TMEM126B: variants seen among roughly 807,000 people sequenced by gnomAD.
The protein encoded by TMEM126B is transmembrane protein 126B, also known as complex I assembly factor TMEM126B, mitochondrial.
TMEM126B carries 19 observed loss-of-function variants against 16.5 expected under a neutral mutation model. The ratio of observed to expected loss-of-function variants is 1.15; its 90% CI spans 0.80 to 1.69. TMEM126B has a LOEUF of 1.69. Among genes scored for constraint, TMEM126B ranks in the 40% most tolerant of loss-of-function variants. The pLI is 0.00. For synonymous variants in TMEM126B, 104 were observed against 93.2 expected (o/e 1.12, Z -0.67); for missense variants, 293 against 278.7 (o/e 1.05, Z -0.37).
chr11:85,634,322 T>C (rs759931157), intron 3 of TMEM126B, 43 bp downstream of exon 3: 2 of 1,416,682 alleles, frequency 1.4e-6, no homozygotes. Flanking sequence ...TATGTCTAAG[T>C]AAAGTTACTT....
intron 1 of TMEM126B, chr11:85,629,094 G>C (rs184000048): frequency 8.1e-5 from 53 of 650,920 alleles, no homozygotes; most frequent in Non-Finnish European, 9.6e-5. Context: ...TGGGTTTTTC[G>C]TTTATGTCAC....
intron 1 of TMEM126B, among the ~76,000 whole-genome samples, chr11:85,630,689 C>G (rs1291786697): frequency 1.3e-5 from 2 of 152,226 alleles, no homozygotes; most frequent in Non-Finnish European, 2.9e-5. Flanking sequence ...CTGGCCAGGT[C>G]TTCATGGTCC....
At position 85,629,691 on chromosome 11, in the gene TMEM126B, A is replaced by G. The variant is rs565380529; in HGVS notation, c.81+1003A>G. ...CAAAACAAAAATTTATCTATGGTTTATGGTTACTCATGTTATTGACGTCTG... is the reference window on the plus strand; with the variant it reads ...CAAAACAAAAATTTATCTATGGTTTGTGGTTACTCATGTTATTGACGTCTG... On this transcript the variant is annotated intron_variant, in intron 1 of 4. Transcript: ENST00000358867. Among the ~76,000 whole-genome samples the G allele has an allele frequency of 6.0e-4, 91 of 152,264 alleles. 3 individuals are homozygous for G. The highest frequency in any genetic ancestry group is 2.0e-3 in the African/African-American group (83 of 41,538).
Position 85,632,194 on chromosome 11 carries a change from A to C in TMEM126B, c.203+386A>C, listed in dbSNP as rs559167576. ...TTATCTCAGCCACAGTACTTAGTACAGCAAAAGGGAATACAGATTTCATGG... is the reference window on the plus strand; with the variant it reads ...TTATCTCAGCCACAGTACTTAGTACCGCAAAAGGGAATACAGATTTCATGG... On this transcript the variant is annotated intron_variant, in intron 2 of 4. Coordinates refer to ENST00000358867, the MANE Select transcript of TMEM126B (RefSeq NM_018480.7). 3.9e-5 allele frequency among the ~76,000 whole-genome samples: 6 copies of C among 152,360 alleles called. No individual in the cohort carries two copies. In the East Asian group the frequency reaches 9.6e-4, roughly 24 times the overall value.
rs964461155 is a variant in TMEM126B, at chr11:85,636,439, T to A, written c.*210T>A. The A allele has an allele frequency of 6.0e-6, 2 of 334,422 alleles. No individual in the cohort carries two copies. Among genetic ancestry groups the A allele is most frequent in the East Asian group, 4.8e-5 (1 of 20,742 alleles). 20.7% of individuals were successfully genotyped at this position (334,422 alleles called of 1,614,324 possible). Reference sequence around the variant, plus strand: ...GTAAGATACAGGTCTTATCTCCTGATGGTGTGTCCATTTTGCCTGGTATAT... The same window carrying A: ...GTAAGATACAGGTCTTATCTCCTGAAGGTGTGTCCATTTTGCCTGGTATAT... On this transcript the variant is annotated 3_prime_UTR_variant, in exon 5 of 5. Transcript: ENST00000358867.
Position 85,631,782 on chromosome 11 carries a change from A to C in TMEM126B, c.177A>C (p.Lys59Asn). The C allele has an allele frequency of 6.2e-7, 1 of 1,611,222 alleles. No individual in the cohort carries two copies. Among genetic ancestry groups the C allele is most frequent in the Non-Finnish European group, 8.5e-7 (1 of 1,179,276 alleles). The change falls in exon 2 of 5, where the codon AAA becomes AAC. Residue 59 changes from lysine (K) to asparagine (N), a missense_variant. Lys to Asn is a moderately conservative substitution (Grantham distance 94). Coordinates refer to ENST00000358867, the MANE Select transcript of TMEM126B (RefSeq NM_018480.7). ...CAATGGTCATAGAAATCATAGAAAA[A>C]AATTTTGACTATCTTAGAAAAGAAA... The part of the protein sequence containing the change: ...RRPMVIEIIE[K>N]NFDYLRKEMT...
rs146616698 is a variant in TMEM126B, at chr11:85,631,239, T to G, written c.82-448T>G. 1.6e-5 allele frequency: 21 copies of G among 1,288,914 alleles called. No individual in the cohort carries two copies. The South Asian group carries it at 2.1e-4, about 13-fold the overall frequency. 79.8% of individuals were successfully genotyped at this position (1,288,914 alleles called of 1,614,324 possible). ...CAGCCACTGTTTCCACCTCCCCACCTGAAGAGCTAGGAGGACAACTACAAA... is the reference window on the plus strand; with the variant it reads ...CAGCCACTGTTTCCACCTCCCCACCGGAAGAGCTAGGAGGACAACTACAAA... On this transcript the variant is annotated intron_variant, in intron 1 of 4. Transcript: ENST00000358867.
intron 1 of TMEM126B, among the ~76,000 whole-genome samples, chr11:85,630,802 G>A (rs1255679624): frequency 1.3e-5 from 2 of 152,180 alleles, no homozygotes; most frequent in East Asian, 1.9e-4. Flanking sequence ...GGTGGCTCAC[G>A]CCTTTAATCC....
At chr11:85,631,596 A>G (rs1484179228) in intron 1 of TMEM126B, 91 bp from the exon 2 acceptor site, 1 of 1,423,320 alleles carries the variant, frequency 7.0e-7, no homozygotes, top group Non-Finnish European at 9.5e-7. Flanking sequence ...TAAACTGTAA[A>G]TGTTTTCAAA....
Position 85,635,790 on chromosome 11 carries a change from CT to C in TMEM126B, c.509+16del. The C allele has an allele frequency of 1.4e-6, 2 of 1,441,674 alleles. No homozygotes were observed. Among genetic ancestry groups the C allele is most frequent in the Admixed American group, 2.6e-5 (1 of 39,092 alleles). The allele number at this position is 1,441,674 out of a possible 1,614,324, so 89.3% of individuals were successfully genotyped here. ...CGCCTGGCAACCAAGTAAGTTCTTC[CT>C]TTTCCTTCTTTTTTCTTTTCTTTTC... On this transcript the variant is annotated intron_variant, in intron 4 of 4. Coordinates refer to ENST00000358867, the MANE Select transcript of TMEM126B (RefSeq NM_018480.7).
In TMEM126B at chr11:85,631,789, G is replaced by T. The variant is rs2082303649; in HGVS notation, c.184G>T (p.Asp62Tyr). The change falls in exon 2 of 5, where the codon GAC (aspartate) becomes TAC (tyrosine). Residue 62 changes from aspartate (D) to tyrosine (Y), a missense_variant. Asp to Tyr is a radical substitution (Grantham distance 160). Coordinates refer to ENST00000358867, the MANE Select transcript of TMEM126B (RefSeq NM_018480.7). ...CATAGAAATCATAGAAAAAAATTTT[G>T]ACTATCTTAGAAAAGAAATGTAAGA... ...MVIEIIEKNFDYLRKEMTQNI... is the reference protein window; with the variant it reads ...MVIEIIEKNFYYLRKEMTQNI... 6.2e-7 allele frequency: 1 copy of T among 1,607,754 alleles called. No individual in the cohort carries two copies.
intron 1 of TMEM126B, chr11:85,629,168 C>T (rs1398686241): frequency 1.8e-5 from 22 of 1,240,242 alleles, no homozygotes; most frequent in African/African-American, 3.1e-5. Flanking sequence ...TTGTGGATTC[C>T]TGAGGATGGG....
chr11:85,631,809 G>GACACAAAATA lies in TMEM126B; in HGVS notation c.203+1_203+2insACACAAAATA, dbSNP rs751082995. The GACACAAAATA allele has an allele frequency of 1.2e-6, 2 of 1,601,178 alleles. No individual in the cohort carries two copies. The highest frequency in any genetic ancestry group is 1.8e-5 in the Admixed American group (1 of 56,040). ...ATTTTGACTATCTTAGAAAAGAAAT[G>GACACAAAATA]TAAGAGAAATGCCCAGGCTGAAAAT... On this transcript the variant is annotated splice_donor_variant, in intron 2 of 4. Coordinates refer to ENST00000358867, the MANE Select transcript of TMEM126B (RefSeq NM_018480.7). LOFTEE classifies it high-confidence loss of function.
rs775901740 is a variant in TMEM126B, at chr11:85,635,787, T to A, written c.509+9T>A. On this transcript the variant is annotated intron_variant, in intron 4 of 4. Transcript: ENST00000358867. Reference sequence around the variant, plus strand: ...GGACGCCTGGCAACCAAGTAAGTTCTTCCTTTTCCTTCTTTTTTCTTTTCT... The same window carrying A: ...GGACGCCTGGCAACCAAGTAAGTTCATCCTTTTCCTTCTTTTTTCTTTTCT... 1 of 1,521,240 alleles carries A rather than the reference T, an allele frequency of 6.6e-7. No homozygotes were observed. The highest frequency in any genetic ancestry group is 2.4e-5 in the Admixed American group (1 of 41,930). 94.2% of individuals were successfully genotyped at this position (1,521,240 alleles called of 1,614,324 possible).
At chr11:85,632,615 T>C (rs1021577361) in intron 2 of TMEM126B, among the ~76,000 whole-genome samples, 8 of 152,086 alleles carry the variant, frequency 5.3e-5, no homozygotes, top group African/African-American at 1.7e-4. Context: ...TTTTATTTTA[T>C]TTTATTTCAT....
In TMEM126B at chr11:85,634,152, C is replaced by T; in HGVS notation, c.270C>T (p.Asn90=). The T allele has an allele frequency of 6.2e-7, 1 of 1,613,752 alleles. No individual in the cohort carries two copies. The highest frequency in any genetic ancestry group is 8.5e-7 in the Non-Finnish European group (1 of 1,179,854). Reference sequence around the variant, plus strand: ...CTGGTTTCTCTGGAATATTCTCAAACTTCCTGTTCAGACGCTGCTTCAAGG... The same window carrying T: ...CTGGTTTCTCTGGAATATTCTCAAATTTCCTGTTCAGACGCTGCTTCAAGG... The part of the protein sequence containing the change: ...TTAGFSGIFS[N]FLFRRCFKVK... Residue 90 remains asparagine, a synonymous_variant, in exon 3 of 5, where the codon AAC becomes AAT. Transcript: ENST00000358867.
chr11:85,635,821 CTTTT>C (rs58671332), intron 4 of TMEM126B, 43 bp downstream of exon 4: 247 of 868,520 alleles, frequency 2.8e-4, no homozygotes, highest in Middle Eastern at 7.5e-4. Context: ...CTTTTCTTTT[CTTTT>C]TTTTTTTTTT....
At chr11:85,635,799 CTTTT>C in intron 4 of TMEM126B, 21 bp downstream of exon 4, 1 of 1,193,766 alleles carries the variant, frequency 8.4e-7, no homozygotes, top group Non-Finnish European at 1.1e-6. Flanking sequence ...CCTTTTCCTT[CTTTT>C]TTCTTTTCTT....
In TMEM126B at chr11:85,634,501, G is replaced by A. The variant is rs2304342; in HGVS notation, c.397+222G>A. On this transcript the variant is annotated intron_variant, in intron 3 of 4. Coordinates refer to ENST00000358867, the MANE Select transcript of TMEM126B (RefSeq NM_018480.7). ...AGATAAGCAACCCAAACTGAGGCAT[G>A]TTCAAGTACGCTAATAAGCAACATA... 0.047 allele frequency: 20,604 copies of A among 434,060 alleles called. 640 individuals carry two copies. The highest frequency in any genetic ancestry group is 0.12 in the East Asian group (2,678 of 23,204). 26.9% of individuals were successfully genotyped at this position (434,060 alleles called of 1,614,324 possible).
Sources: allele counts gnomAD v4.1 joint callset (sites outside exome capture counted in the v4.1 genomes callset), GRCh38; gene constraint gnomAD v4.1.1; transcripts MANE v1.5; gene names NCBI Gene and HGNC (gene_info 2026-07-23, HGNC 2026-07-21).